Variants in ZNF12 observed in about 807,000 individuals in gnomAD.
ZNF12 encodes zinc finger protein 12, also known as gonadotropin inducible transcription repressor 3.
A neutral mutation model predicts 66.6 loss-of-function variants in ZNF12; 34 were observed. That is an observed-to-expected ratio of 0.51 (90% CI 0.39 to 0.68). The LOEUF is 0.68. ZNF12 is among the 30% of genes least tolerant of loss of function. The pLI is 0.00. For synonymous variants in ZNF12, 320 were observed against 278.9 expected (o/e 1.15, Z -1.47); for missense variants, 697 against 826.9 (o/e 0.84, Z 1.93).
At position 6,691,323 on chromosome 7, in the gene ZNF12, C is replaced by T. The variant is rs779902364; in HGVS notation, c.1619G>A (p.Arg540Gln). Reference protein sequence around the residue: ...FYQNSALCRHRRIHKGEKPYE... With the variant: ...FYQNSALCRHQRIHKGEKPYE... Reference sequence around the variant, plus strand: ...GGGCTTCTCTCCTTTGTGTATTCTCCGATGTCTACAAAGGGCTGAGTTCTG... The same window carrying T: ...GGGCTTCTCTCCTTTGTGTATTCTCTGATGTCTACAAAGGGCTGAGTTCTG... The change falls in exon 5 of 5, where the codon CGG becomes CAG. Residue 540 changes from arginine to glutamine, a missense_variant. Arg to Gln is a conservative substitution (Grantham distance 43). Around this residue, in one of 3 missense-constraint regions of ZNF12, gnomAD observed 401 missense variants for 519.0 expected, o/e 0.77. Transcript: ENST00000405858. The T allele has an allele frequency of 4.2e-5, 67 of 1,611,724 alleles. No individual in the cohort carries two copies. Among genetic ancestry groups the T allele is most frequent in the African/African-American group, 9.4e-5 (7 of 74,478 alleles).
intron 4 of ZNF12, among the ~76,000 whole-genome samples, chr7:6,693,770 G>A (rs1780111847): frequency 6.6e-6 from 1 of 152,174 alleles, no homozygotes; most frequent in African/African-American, 2.4e-5. Flanking sequence ...TCAATCTCCT[G>A]ACCATTTGCT....
Position 6,697,865 on chromosome 7 carries a change from A to G in ZNF12, c.16-54T>C. 1.2e-6 allele frequency: 2 copies of G among 1,608,844 alleles called. No homozygotes were observed. The highest frequency in any genetic ancestry group is 1.3e-5 in the African/African-American group (1 of 74,974). ...TGACGTGAAATAGGCACATAGGTAC[A>G]AGATCTTAGCATGCTCACTGGCAAA... is the stretch of plus-strand genomic sequence containing the variant. On this transcript the variant is annotated intron_variant, in intron 2 of 4. Coordinates refer to ENST00000405858, the MANE Select transcript of ZNF12 (RefSeq NM_016265.4). This position sits in a 1 kb window ranked among gnomAD's most constrained non-coding sequence, Gnocchi z 6.1.
chr7:6,696,783 A>C lies in ZNF12; in HGVS notation c.238+556T>G, dbSNP rs1170742475. On this transcript the variant is annotated intron_variant, in intron 4 of 4. Transcript: ENST00000405858. This position sits in a 1 kb window ranked among gnomAD's most constrained non-coding sequence, Gnocchi z 4.0. ...GGGAGACCCAGGTACTGCAGTCACC[A>C]AATTTCAGGAGGGCTGGGTCTCAGG... 6.6e-6 allele frequency among the ~76,000 whole-genome samples: 1 copy of C among 152,140 alleles called. No homozygotes were observed. Among genetic ancestry groups the C allele is most frequent in the African/African-American group, 2.4e-5 (1 of 41,440 alleles).
Position 6,692,429 on chromosome 7 carries a change from A to C in ZNF12, c.513T>G (p.Cys171Trp), listed in dbSNP as rs373168283. ...GCTTAATATGGAGGAGTGATTTCCCACATCCACTACATTCATCAGCTTTCA... is the reference window on the plus strand; with the variant it reads ...GCTTAATATGGAGGAGTGATTTCCCCCATCCACTACATTCATCAGCTTTCA... Reference protein sequence around the residue: ...ARMKADECSGCGKSLLHIKLE... With the variant: ...ARMKADECSGWGKSLLHIKLE... Residue 171 changes from cysteine (C) to tryptophan (W), a missense_variant, in exon 5 of 5, where the codon TGT (cysteine) becomes TGG (tryptophan). By Grantham distance (215) the Cys-to-Trp change is radical. Coordinates refer to ENST00000405858, the MANE Select transcript of ZNF12 (RefSeq NM_016265.4). This position sits in a 1 kb window ranked among gnomAD's most constrained non-coding sequence, Gnocchi z 5.1. 6.2e-7 allele frequency: 1 copy of C among 1,613,306 alleles called. No homozygotes were observed. The highest frequency in any genetic ancestry group is 8.5e-7 in the Non-Finnish European group (1 of 1,179,590).
rs752107311 is a variant in ZNF12 at position 6,692,787 on chromosome 7, G to A, written c.239-84C>T. 1.2e-4 allele frequency: 157 copies of A among 1,309,194 alleles called. No individual in the cohort carries two copies. The highest frequency in any genetic ancestry group is 1.5e-4 in the Non-Finnish European group (144 of 964,720). 81.1% of individuals were successfully genotyped at this position (1,309,194 alleles called of 1,614,324 possible). On this transcript the variant is annotated intron_variant, in intron 4 of 4. Coordinates refer to ENST00000405858, the MANE Select transcript of ZNF12 (RefSeq NM_016265.4). The surrounding 1 kb of genome is among the most constrained non-coding windows in gnomAD (Gnocchi z 5.1). ...AATGAGATTCATGATTTGTACACAC[G>A]CATCTCATTGTGAGTAGATGCTAGC...
Position 6,691,501 on chromosome 7 carries a change from T to A in ZNF12, c.1441A>T (p.Met481Leu). 1 of 1,614,086 alleles carries A rather than the reference T, an allele frequency of 6.2e-7. No individual in the cohort carries two copies. The highest frequency in any genetic ancestry group is 8.5e-7 in the Non-Finnish European group (1 of 1,179,990). ...CCTGTGTGCACTCTCTGATGTCTCA[T>A]GAGGGCTGAATTCAGGTAGAAGGTT... Reference protein sequence around the residue: ...GKTFYLNSALMRHQRVHTGEK... With the variant: ...GKTFYLNSALLRHQRVHTGEK... Residue 481 changes from methionine to leucine, a missense_variant, in exon 5 of 5, where the codon ATG becomes TTG. By Grantham distance (15) the Met-to-Leu change is conservative. Coordinates refer to ENST00000405858, the MANE Select transcript of ZNF12 (RefSeq NM_016265.4).
chr7:6,699,236 G>A (rs891614519), intron 2 of ZNF12, among the ~76,000 whole-genome samples: 5 of 152,208 alleles, frequency 3.3e-5, no homozygotes, highest in African/African-American at 7.2e-5. Context: ...TCAGAGCTAC[G>A]TAAGATGATG....
chr7:6,696,683 A>G lies in ZNF12; in HGVS notation c.238+656T>C, dbSNP rs533864767. Among the ~76,000 whole-genome samples the G allele has an allele frequency of 6.6e-6, 1 of 152,228 alleles. No homozygotes were observed. Among genetic ancestry groups the G allele is most frequent in the Admixed American group, 6.5e-5 (1 of 15,284 alleles). On this transcript the variant is annotated intron_variant, in intron 4 of 4. Transcript: ENST00000405858. This position sits in a 1 kb window ranked among gnomAD's most constrained non-coding sequence, Gnocchi z 4.0. ...TGATACTTACTAAGCACCTGCCATG[A>G]CAGGGTATCATTCAAGGCATTGGGA... is the stretch of plus-strand genomic sequence containing the variant.
In ZNF12 at chr7:6,705,462, G is replaced by T. The variant is rs536982273; in HGVS notation, c.-50-239C>A. ...AGATTCTCATGGTGAATGAATACTG[G>T]ATCCTACTGAAATAATCTGCCATCA... is the stretch of plus-strand genomic sequence containing the variant. On this transcript the variant is annotated intron_variant, in intron 1 of 4. Coordinates refer to ENST00000405858, the MANE Select transcript of ZNF12 (RefSeq NM_016265.4). This position sits in a 1 kb window ranked among gnomAD's most constrained non-coding sequence, Gnocchi z 4.0. Among the ~76,000 whole-genome samples the T allele has an allele frequency of 1.2e-3, 180 of 152,342 alleles. No homozygotes were observed. The highest frequency in any genetic ancestry group is 4.3e-3 in the African/African-American group (177 of 41,580).
chr7:6,703,064 A>ACC (rs761151536), intron 2 of ZNF12, among the ~76,000 whole-genome samples: 1 of 144,540 alleles, frequency 6.9e-6, no homozygotes, highest in African/African-American at 2.6e-5. Context: ...ACACACACAC[A>ACC]CCCCTACCTG....
At chr7:6,701,444 T>C (rs1018800021) in intron 2 of ZNF12, among the ~76,000 whole-genome samples, 1 of 152,194 alleles carries the variant, frequency 6.6e-6, no homozygotes, top group Non-Finnish European at 1.5e-5. Flanking sequence ...GTCTGTGTGG[T>C]AGACTGGCTG....
rs1780359464 is a variant in ZNF12 at position 6,706,471 on chromosome 7, C to T, written c.-90G>A. ...GCAGCCTCTGCCCCACCGCTCCCGACAGGCCGGGGCGGGATTGCTGTCGCG... is the reference window on the plus strand; with the variant it reads ...GCAGCCTCTGCCCCACCGCTCCCGATAGGCCGGGGCGGGATTGCTGTCGCG... On this transcript the variant is annotated 5_prime_UTR_variant, in exon 1 of 5. Transcript: ENST00000405858. The T allele has an allele frequency of 8.4e-6, 4 of 477,148 alleles. No homozygotes were observed. The highest frequency in any genetic ancestry group is 2.0e-5 in the African/African-American group (1 of 50,688). 29.6% of individuals were successfully genotyped at this position (477,148 alleles called of 1,614,324 possible). A position where few individuals can be genotyped will look rare whatever the true frequency, so the allele number is the denominator to read the frequency against.
At chr7:6,704,800 G>A (rs1208879652) in intron 2 of ZNF12, among the ~76,000 whole-genome samples, 5 of 149,444 alleles carry the variant, frequency 3.3e-5, no homozygotes, top group South Asian at 2.1e-4. Context: ...TGGTTCAAGG[G>A]TTATTATTTA....
intron 2 of ZNF12, among the ~76,000 whole-genome samples, chr7:6,699,474 G>A (rs1303224418): frequency 6.6e-6 from 1 of 152,168 alleles, no homozygotes; most frequent in Non-Finnish European, 1.5e-5. Flanking sequence ...GGAAAGAAGT[G>A]GGTCCCACCC....
intron 2 of ZNF12, among the ~76,000 whole-genome samples, chr7:6,704,665 G>C (rs1232003397): frequency 7.0e-6 from 1 of 142,532 alleles, no homozygotes; most frequent in African/African-American, 2.6e-5. Context: ...ACTTGAACCT[G>C]GGAGGTGGAG....
chr7:6,702,199 G>A (rs554288838), intron 2 of ZNF12, among the ~76,000 whole-genome samples: 3 of 151,814 alleles, frequency 2.0e-5, no homozygotes, highest in Non-Finnish European at 2.9e-5. Context: ...GAAACTGCAC[G>A]CTCCTGGTTC....
intron 4 of ZNF12, among the ~76,000 whole-genome samples, chr7:6,694,568 C>G (rs1053470015): frequency 3.3e-5 from 5 of 152,104 alleles, no homozygotes; most frequent in African/African-American, 1.2e-4. Context: ...GCACTTTACA[C>G]CTTCTCATGT....
intron 2 of ZNF12, among the ~76,000 whole-genome samples, chr7:6,701,950 T>C (rs1583467600): frequency 9.9e-6 from 1 of 100,652 alleles, no homozygotes; most frequent in Non-Finnish European, 1.8e-5. Flanking sequence ...GCAAAATTTC[T>C]CAAAAAAAAA....
chr7:6,700,304 T>TACACACACACACACACACACAC (rs71539972), intron 2 of ZNF12, among the ~76,000 whole-genome samples: 26 of 129,046 alleles, frequency 2.0e-4, no homozygotes, highest in South Asian at 1.0e-3. Context: ...AAAAAAAATA[T>TACACACACACACACACACACAC]ACACACACAC....
Sources: allele counts gnomAD v4.1 joint callset (sites outside exome capture counted in the v4.1 genomes callset), GRCh38; gene constraint gnomAD v4.1.1; regional missense constraint gnomAD v4.1.1; non-coding constraint Gnocchi (gnomAD v3.1); transcripts MANE v1.5; gene names NCBI Gene and HGNC (gene_info 2026-07-23, HGNC 2026-07-21).